LIMCH1: variants seen among roughly 807,000 people sequenced by gnomAD.
The protein encoded by LIMCH1 is LIM and calponin homology domains 1.
A neutral mutation model predicts 176.5 loss-of-function variants in LIMCH1; 113 were observed. That is an observed-to-expected ratio of 0.64 (90% CI 0.55 to 0.75). LIMCH1 has a LOEUF of 0.75. LIMCH1 is among the 30% of genes least tolerant of loss of function. LIMCH1 has a pLI of 0.00. For synonymous variants in LIMCH1, 619 were observed against 645.9 expected, an observed-to-expected ratio of 0.96 and a Z score of 0.63; for missense variants, 1,674 against 1,814.9, an observed-to-expected ratio of 0.92 and a Z score of 1.41.
chr4:41,562,362 C>T (rs948269882), intron 1 of LIMCH1, among the ~76,000 whole-genome samples: 7 of 152,084 alleles, frequency 4.6e-5, no homozygotes, highest in Non-Finnish European at 1.0e-4. Context: ...TTAACTTTCC[C>T]TTGTCTCCTG....
intron 2 of LIMCH1, among the ~76,000 whole-genome samples, chr4:41,523,967 A>G (rs2076365155): frequency 6.6e-6 from 1 of 152,204 alleles, no homozygotes; most frequent in African/African-American, 2.4e-5. Flanking sequence ...CTGACTTAGA[A>G]TGTGTCTTGG....
intron 7 of LIMCH1, among the ~76,000 whole-genome samples, chr4:41,622,528 G>A (rs28679669): frequency 0.032 from 4,815 of 152,168 alleles, 260 homozygotes; most frequent in African/African-American, 0.1. Context: ...GAAGGGGAGC[G>A]GCATTAAGCT....
At chr4:41,492,377 C>T (rs545710260) in intron 1 of LIMCH1, among the ~76,000 whole-genome samples, 2 of 146,652 alleles carry the variant, frequency 1.4e-5, no homozygotes, top group South Asian at 2.2e-4. Flanking sequence ...GTCCAGGCTC[C>T]GCAAGAGAGG....
chr4:41,601,600 A>G (rs1466036157), intron 2 of LIMCH1, among the ~76,000 whole-genome samples: 1 of 152,216 alleles, frequency 6.6e-6, no homozygotes, highest in African/African-American at 2.4e-5. Flanking sequence ...CAAGCAGGGT[A>G]GGATGTTGAA....
intron 7 of LIMCH1, among the ~76,000 whole-genome samples, chr4:41,621,728 G>A (rs534198176): frequency 1.2e-4 from 18 of 151,408 alleles, no homozygotes; most frequent in Admixed American, 1.1e-3. Flanking sequence ...TCTAAGAGGT[G>A]GCTGATATAC....
At chr4:41,473,645 G>A (rs1161486151) in intron 1 of LIMCH1, among the ~76,000 whole-genome samples, 1 of 152,120 alleles carries the variant, frequency 6.6e-6, no homozygotes, top group Non-Finnish European at 1.5e-5. Context: ...CATTGGTCTG[G>A]GCAGTGATTT....
intron 1 of LIMCH1, among the ~76,000 whole-genome samples, chr4:41,578,886 A>G: frequency 6.6e-6 from 1 of 152,000 alleles, no homozygotes. Context: ...ATTTTTTTAT[A>G]GAGACAGGGT....
At chr4:41,568,320 A>G (rs2083049166) in intron 1 of LIMCH1, among the ~76,000 whole-genome samples, 1 of 152,190 alleles carries the variant, frequency 6.6e-6, no homozygotes, top group Admixed American at 6.5e-5. Flanking sequence ...GTGTAATCTG[A>G]AAATAATTTT....
At chr4:41,435,251 C>T (rs947684644) in intron 1 of LIMCH1, among the ~76,000 whole-genome samples, 3 of 152,026 alleles carry the variant, frequency 2.0e-5, no homozygotes, top group Non-Finnish European at 4.4e-5. Flanking sequence ...AAACAGAAAA[C>T]GGAGAGATGA....
chr4:41,540,385 T>A (rs751346396), intron 1 of LIMCH1, among the ~76,000 whole-genome samples: 2 of 152,150 alleles, frequency 1.3e-5, no homozygotes, highest in Non-Finnish European at 2.9e-5. Flanking sequence ...TTCCCTAAAA[T>A]CATGATTCAG....
intron 1 of LIMCH1, among the ~76,000 whole-genome samples, chr4:41,379,742 A>T (rs895066318): frequency 1.3e-5 from 2 of 152,168 alleles, no homozygotes; most frequent in Non-Finnish European, 2.9e-5. Flanking sequence ...TGACGGTAAG[A>T]TATTCTCTCT....
At position 41,605,883 on chromosome 4, in the gene LIMCH1, T is replaced by C. The variant is rs750116716; in HGVS notation, c.-102-11T>C. On this transcript the variant is annotated splice_polypyrimidine_tract_variant and intron_variant, in intron 3 of 31. Transcript: ENST00000503057. ...AGGGAAAAATCTGCTCTTGTGCGTT[T>C]TGTTCCACAGGTATTAGTTACCATT... 6.3e-6 allele frequency: 10 copies of C among 1,585,172 alleles called. No homozygotes were observed. The East Asian group carries it at 2.2e-4, about 35-fold the overall frequency.
In LIMCH1 at chr4:41,619,447, C is replaced by T; in HGVS notation, c.458+7C>T. ...GTGGGGAGAGGCCCTTCAGGTAAGG[C>T]CTGAGCACCGCTGCCCTCTTCCTGG... On this transcript the variant is annotated splice_region_variant and intron_variant, in intron 6 of 31. Coordinates refer to ENST00000503057, the MANE Select transcript of LIMCH1 (RefSeq NM_001330672.2). 6.2e-7 allele frequency: 1 copy of T among 1,605,782 alleles called. No homozygotes were observed. Among genetic ancestry groups the T allele is most frequent in the Non-Finnish European group, 8.5e-7 (1 of 1,179,942 alleles).
At chr4:41,638,792 T>C (rs1368552400) in intron 13 of LIMCH1, 140 bp from the exon 14 acceptor site, 4 of 756,154 alleles carry the variant, frequency 5.3e-6, no homozygotes, top group East Asian at 2.5e-5. Context: ...TTGCTAATTG[T>C]ATAATGCCAT....
intron 1 of LIMCH1, among the ~76,000 whole-genome samples, chr4:41,540,109 CTT>C (rs944606054): frequency 3.3e-5 from 5 of 152,198 alleles, no homozygotes; most frequent in African/African-American, 7.2e-5. Flanking sequence ...GTGTGCTGAT[CTT>C]TGGCAGGCAA....
rs1325449443 is a variant in LIMCH1, at chr4:41,646,651, A to G, written c.2578A>G (p.Asn860Asp). ...ILERSHSTEP[N>D]LSSFLNDPNP... ...GGAAAGAAGCCATTCAACAGAGCCA[A>G]ATTTATCCTCCTTCCTGAATGACCC... is the stretch of plus-strand genomic sequence containing the variant. The change falls in exon 17 of 32, where the codon AAT becomes GAT. Residue 860 changes from asparagine (N) to aspartate (D), a missense_variant. Physicochemically the swap from Asn to Asp is conservative, Grantham distance 23. Transcript: ENST00000503057. The G allele has an allele frequency of 1.2e-6, 2 of 1,614,174 alleles. No individual in the cohort carries two copies. Among genetic ancestry groups the G allele is most frequent in the Admixed American group, 3.3e-5 (2 of 60,014 alleles).
chr4:41,496,534 T>C (rs758403026), intron 2 of LIMCH1, among the ~76,000 whole-genome samples: 10 of 152,158 alleles, frequency 6.6e-5, no homozygotes, highest in Non-Finnish European at 1.5e-4. Context: ...CACAAATTTC[T>C]AGGCATGGAA....
chr4:41,653,047 A>G (rs780195533), intron 18 of LIMCH1, among the ~76,000 whole-genome samples: 5 of 152,156 alleles, frequency 3.3e-5, no homozygotes, highest in Non-Finnish European at 7.3e-5. Flanking sequence ...TGAATCAACT[A>G]TGGCAGGGGG....
At chr4:41,463,516 A>G (rs1166932376) in intron 1 of LIMCH1, among the ~76,000 whole-genome samples, 1 of 151,812 alleles carries the variant, frequency 6.6e-6, no homozygotes, top group Admixed American at 6.6e-5. Context: ...TCATGAAAGC[A>G]TCCAAGTAGT....
Sources: gnomAD v4.1 joint callset for allele counts (sites outside exome capture counted in the v4.1 genomes callset) on GRCh38, gnomAD v4.1.1 for gene constraint, MANE v1.5 for transcripts, NCBI Gene and HGNC (gene_info 2026-07-23, HGNC 2026-07-21) for gene names.